ARHGEF17: variants seen among roughly 807,000 people sequenced by gnomAD.
The protein encoded by ARHGEF17 is Rho guanine nucleotide exchange factor 17, also known as 164 kDa Rho-specific guanine-nucleotide exchange factor.
ARHGEF17 carries 80 observed loss-of-function variants against 174.0 expected under a neutral mutation model. The observed-to-expected ratio is 0.46, with a 90% CI of 0.38 to 0.55. The LOEUF (loss-of-function observed/expected upper bound fraction) is 0.55. ARHGEF17 is among the 20% of genes least tolerant of loss of function. ARHGEF17 has a pLI of 0.00. For missense variants in ARHGEF17, 2,886 were observed against 2,839.7 expected, an observed-to-expected ratio of 1.02 and a Z score of -0.37; for synonymous variants, 1,311 against 1,189.1, an observed-to-expected ratio of 1.10 and a Z score of -2.11.
chr11:73,342,468 A>G (rs187858162), intron 1 of ARHGEF17, among the ~76,000 whole-genome samples: 13 of 152,244 alleles, frequency 8.5e-5, no homozygotes, highest in Admixed American at 3.3e-4. Context: ...ACACAGAAGC[A>G]CTTGTCTGGG....
At chr11:73,330,616 G>T (rs1006764367) in intron 1 of ARHGEF17, among the ~76,000 whole-genome samples, 1 of 152,176 alleles carries the variant, frequency 6.6e-6, no homozygotes, top group Admixed American at 6.5e-5. Context: ...GCCTGGAGTG[G>T]CACCAGATAA....
intron 14 of ARHGEF17, 74 bp downstream of exon 14, chr11:73,362,808 G>A: frequency 1.2e-5 from 18 of 1,529,872 alleles, no homozygotes; most frequent in East Asian, 2.3e-5. Context: ...GGAGAGGAGG[G>A]ACCAGTGTAG....
intron 2 of ARHGEF17, among the ~76,000 whole-genome samples, chr11:73,351,124 G>A (rs558066613): frequency 3.7e-4 from 57 of 152,316 alleles, no homozygotes; most frequent in African/African-American, 1.3e-3. Context: ...CCCAGCCCAG[G>A]AGCTGGCTCA....
At chr11:73,352,773 G>T in intron 2 of ARHGEF17, 57 bp from the exon 3 acceptor site, 1 of 1,596,312 alleles carries the variant, frequency 6.3e-7, no homozygotes. Flanking sequence ...GCCCTGTGTA[G>T]GTGTGGTGGG....
chr11:73,337,017 T>C (rs1465577777), intron 1 of ARHGEF17, among the ~76,000 whole-genome samples: 1 of 152,168 alleles, frequency 6.6e-6, no homozygotes, highest in Non-Finnish European at 1.5e-5. Context: ...GGATGTCACA[T>C]AGTATCATTT....
chr11:73,325,594 G>T (rs533491226), intron 1 of ARHGEF17, among the ~76,000 whole-genome samples: 1 of 152,344 alleles, frequency 6.6e-6, no homozygotes, highest in South Asian at 2.1e-4. Flanking sequence ...ATCCCCAGCA[G>T]ATTTCCATAC....
intron 1 of ARHGEF17, among the ~76,000 whole-genome samples, chr11:73,326,382 G>A (rs984934961): frequency 1.3e-5 from 2 of 152,172 alleles, no homozygotes. Context: ...GGCCCCGGGA[G>A]TTCCTAAAGG....
chr11:73,312,061 C>T (rs1207699564), intron 1 of ARHGEF17, among the ~76,000 whole-genome samples: 4 of 152,164 alleles, frequency 2.6e-5, no homozygotes, highest in Non-Finnish European at 4.4e-5. Flanking sequence ...GGCAAAGGGT[C>T]TTGTCTGCTC....
Position 73,309,962 on chromosome 11 carries a change from A to G in ARHGEF17, c.1324A>G (p.Thr442Ala). The change falls in exon 1 of 21, where the codon ACC (threonine) becomes GCC (alanine). Residue 442 changes from threonine (T) to alanine (A), a missense_variant. Transcript: ENST00000263674. ...AACCCGTGCCAAAGGACCTGGAGGC[A>G]CCTCTAGGGCATTGAGGGATGGAGG... ...ARTRAKGPGG[T>A]SRALRDGGFE... The G allele has an allele frequency of 6.2e-7, 1 of 1,613,866 alleles. No homozygotes were observed. Among genetic ancestry groups the G allele is most frequent in the Non-Finnish European group, 8.5e-7 (1 of 1,179,984 alleles).
intron 1 of ARHGEF17, among the ~76,000 whole-genome samples, chr11:73,341,719 G>A (rs1226363582): frequency 1.3e-5 from 2 of 152,250 alleles, no homozygotes; most frequent in African/African-American, 2.4e-5. Flanking sequence ...AGTTAAAACG[G>A]AAGTGGCTGG....
intron 2 of ARHGEF17, among the ~76,000 whole-genome samples, chr11:73,349,863 G>T (rs1865524587): frequency 6.6e-6 from 1 of 152,202 alleles, no homozygotes; most frequent in South Asian, 2.1e-4. Flanking sequence ...TGAACCCAAA[G>T]ACCGTCCCTG....
Position 73,312,765 on chromosome 11 carries a change from C to T in ARHGEF17, c.3192+935C>T, listed in dbSNP as rs562197019. Among the ~76,000 whole-genome samples, 16 of 152,104 alleles carry T rather than the reference C, an allele frequency of 1.1e-4. No individual in the cohort carries two copies. The South Asian group carries it at 3.3e-3, about 32-fold the overall frequency. ...CTTGTTCCCCCATCCTGTCTGCTTG[C>T]ATCTTTTCCCCACTCTACCCCCTTC... On this transcript the variant is annotated intron_variant, in intron 1 of 20. Coordinates refer to ENST00000263674, the MANE Select transcript of ARHGEF17 (RefSeq NM_014786.4).
chr11:73,362,501 T>C lies in ARHGEF17; in HGVS notation c.4763T>C (p.Val1588Ala). The stretch of plus-strand genomic sequence containing the variant: ...GAGCCCGCCGGGCCGGAGCTGGACG[T>C]CGAGGCCGCTGCAGACGAGGAAGCC... The part of the protein sequence containing the change: ...APEPAGPELD[V>A]EAAADEEAAT... The change falls in exon 14 of 21, where the codon GTC becomes GCC. Residue 1588 changes from valine (V) to alanine (A), a missense_variant. Val to Ala is a moderately conservative substitution (Grantham distance 64). This residue lies in a region of ARHGEF17 where 476 missense variants were observed against 473.1 expected (regional missense o/e 1.01). Coordinates refer to ENST00000263674, the MANE Select transcript of ARHGEF17 (RefSeq NM_014786.4). The C allele has an allele frequency of 1.2e-6, 2 of 1,601,942 alleles. No individual in the cohort carries two copies. The highest frequency in any genetic ancestry group is 1.7e-6 in the Non-Finnish European group (2 of 1,176,856).
chr11:73,315,596 G>A (rs1864915599), intron 1 of ARHGEF17, among the ~76,000 whole-genome samples: 1 of 152,170 alleles, frequency 6.6e-6, no homozygotes, highest in Admixed American at 6.5e-5. Context: ...AGGACACTTG[G>A]AATTCTGAGC....
At position 73,363,353 on chromosome 11, in the gene ARHGEF17, G is replaced by A. The variant is rs1038055507; in HGVS notation, c.5144G>A (p.Arg1715His). The change falls in exon 15 of 21, where the codon CGC becomes CAC. Residue 1715 changes from arginine to histidine, a missense_variant. Around this residue, in one of 4 missense-constraint regions of ARHGEF17, gnomAD observed 476 missense variants for 473.1 expected, o/e 1.01. Transcript: ENST00000263674. ...CCAATGGATGGGAGAGCCCTTCGCC[G>A]CTCCAGCCACGGCTCCTTCACCCGG... ...TSPMDGRALR[R>H]SSHGSFTRGS... 12 of 1,612,786 alleles carry A rather than the reference G, an allele frequency of 7.4e-6. No homozygotes were observed. The highest frequency in any genetic ancestry group is 2.2e-5 in the South Asian group (2 of 91,042).
chr11:73,341,665 G>C (rs1169984940), intron 1 of ARHGEF17, among the ~76,000 whole-genome samples: 1 of 152,248 alleles, frequency 6.6e-6, no homozygotes, highest in African/African-American at 2.4e-5. Context: ...GAAAAGGCAT[G>C]GGCCAAGACC....
rs769514298 is a variant in ARHGEF17, at chr11:73,362,112, G to T, written c.4567G>T (p.Gly1523Cys). 1.2e-6 allele frequency: 2 copies of T among 1,612,444 alleles called. No homozygotes were observed. The highest frequency in any genetic ancestry group is 1.7e-5 in the Admixed American group (1 of 60,016). ...TGAGGTATGGGTCTGCAACAGCGAC[G>T]GCTACGTGGGCCAGGTGTGCCTGCT... ...SPEVWVCNSD[G>C]YVGQVCLLSL... The change falls in exon 13 of 21, where the codon GGC becomes TGC. Residue 1523 changes from glycine to cysteine, a missense_variant. Around this residue, in one of 4 missense-constraint regions of ARHGEF17, gnomAD observed 476 missense variants for 473.1 expected, o/e 1.01. Transcript: ENST00000263674.
At chr11:73,340,383 A>G (rs911228277) in intron 1 of ARHGEF17, among the ~76,000 whole-genome samples, 2 of 151,914 alleles carry the variant, frequency 1.3e-5, no homozygotes, top group Non-Finnish European at 2.9e-5. Context: ...GGATCTCTCG[A>G]CCTCAGGACC....
intron 10 of ARHGEF17, 73 bp downstream of exon 10, chr11:73,360,025 C>T: frequency 7.3e-7 from 1 of 1,377,902 alleles, no homozygotes; most frequent in Non-Finnish European, 9.9e-7. Context: ...AGATAGACAG[C>T]CCTGACATTT....
Sources: allele counts gnomAD v4.1 joint callset (sites outside exome capture counted in the v4.1 genomes callset), GRCh38; gene constraint gnomAD v4.1.1; regional missense constraint gnomAD v4.1.1; transcripts MANE v1.5; gene names NCBI Gene and HGNC (gene_info 2026-07-23, HGNC 2026-07-21).